TMEM232: variants seen among roughly 807,000 people sequenced by gnomAD.
TMEM232 encodes transmembrane protein 232.
In TMEM232, 80 loss-of-function variants were observed where a neutral mutation model predicts 78.8. That is an observed-to-expected ratio of 1.01 (90% CI 0.85 to 1.22). The LOEUF is 1.22. Ranked by LOEUF, TMEM232 falls within the 50% of genes most tolerant of loss-of-function variation. The pLI, the probability that TMEM232 is intolerant of heterozygous loss-of-function variation, is 0.00. For missense variants in TMEM232, 881 were observed against 742.2 expected, an observed-to-expected ratio of 1.19 and a Z score of -2.17; for synonymous variants, 297 against 254.3, an observed-to-expected ratio of 1.17 and a Z score of -1.60.
chr5:110,562,321 G>GGCAAGTCAACCTACAAT (rs1467968610), intron 11 of TMEM232, among the ~76,000 whole-genome samples: 2 of 151,942 alleles, frequency 1.3e-5, no homozygotes, highest in African/African-American at 4.8e-5. Flanking sequence ...TTCCCAACTT[G>GGCAAGTCAACCTACAAT]GCAAGTCAAC....
intron 12 of TMEM232, among the ~76,000 whole-genome samples, chr5:110,448,854 A>G (rs1759959640): frequency 6.6e-6 from 1 of 151,972 alleles, no homozygotes; most frequent in South Asian, 2.1e-4. Context: ...ACTGGGGTAC[A>G]TCAAAATAAG....
At chr5:110,411,100 A>G (rs113387378) in intron 2 of TMEM232, among the ~76,000 whole-genome samples, 42 of 152,232 alleles carry the variant, frequency 2.8e-4, no homozygotes, top group African/African-American at 6.5e-4. Flanking sequence ...TCCCTGCACC[A>G]TGACGAATAA....
intron 12 of TMEM232, among the ~76,000 whole-genome samples, chr5:110,474,156 C>T (rs1762985807): frequency 6.6e-6 from 1 of 151,736 alleles, no homozygotes; most frequent in Non-Finnish European, 1.5e-5. Context: ...ATGTTCTCAT[C>T]ACAAATAAAT....
At chr5:110,605,420 A>T (rs1299216573) in intron 9 of TMEM232, 62 bp from the exon 10 acceptor site, 2 of 1,454,344 alleles carry the variant, frequency 1.4e-6, no homozygotes, top group East Asian at 2.5e-5. Context: ...ATAACTACAC[A>T]GTGTACTTAT....
intron 11 of TMEM232, among the ~76,000 whole-genome samples, chr5:110,551,004 G>T (rs753238667): frequency 9.3e-5 from 14 of 151,050 alleles, no homozygotes; most frequent in Non-Finnish European, 1.0e-4. Context: ...TTTATAAATG[G>T]TTACAGTTTA....
intron 12 of TMEM232, among the ~76,000 whole-genome samples, chr5:110,462,961 G>T (rs1318529594): frequency 2.0e-5 from 3 of 152,084 alleles, no homozygotes; most frequent in Non-Finnish European, 2.9e-5. Context: ...TTCTACTCCT[G>T]GTAAAGATGC....
At chr5:110,564,074 T>C (rs1418683459) in intron 11 of TMEM232, among the ~76,000 whole-genome samples, 1 of 152,030 alleles carries the variant, frequency 6.6e-6, no homozygotes, top group African/African-American at 2.4e-5. Context: ...TATGCTTTGA[T>C]AATAAACTGG....
intron 11 of TMEM232, among the ~76,000 whole-genome samples, chr5:110,547,419 C>G (rs1251646808): frequency 6.6e-6 from 1 of 152,134 alleles, no homozygotes; most frequent in African/African-American, 2.4e-5. Flanking sequence ...CACACAGGTA[C>G]TAATCACTTT....
intron 12 of TMEM232, among the ~76,000 whole-genome samples, chr5:110,514,842 T>C (rs1390822203): frequency 6.6e-6 from 1 of 152,196 alleles, no homozygotes; most frequent in Non-Finnish European, 1.5e-5. Context: ...TACTAGAAAG[T>C]GACTCTTCTT....
intron 12 of TMEM232, among the ~76,000 whole-genome samples, chr5:110,450,671 G>T (rs1010540578): frequency 3.9e-5 from 6 of 152,136 alleles, no homozygotes; most frequent in Non-Finnish European, 5.9e-5. Context: ...GATGTAAACA[G>T]CCACATACAA....
intron 2 of TMEM232, among the ~76,000 whole-genome samples, chr5:110,664,285 C>G (rs1790254963): frequency 6.6e-6 from 1 of 151,884 alleles, no homozygotes; most frequent in Non-Finnish European, 1.5e-5. Flanking sequence ...ATTTTTCAGC[C>G]ATTAAAATGA....
chr5:110,403,402 A>G (rs1477615700), intron 2 of TMEM232, among the ~76,000 whole-genome samples: 1 of 152,086 alleles, frequency 6.6e-6, no homozygotes, highest in Admixed American at 6.6e-5. Context: ...TTTCCCCTTT[A>G]GAGTTTGCTG....
intron 11 of TMEM232, among the ~76,000 whole-genome samples, chr5:110,555,901 T>C (rs1775019296): frequency 6.6e-6 from 1 of 152,176 alleles, no homozygotes; most frequent in African/African-American, 2.4e-5. Flanking sequence ...GCACGTGAGA[T>C]CGGTCTGTTG....
rs114876380 is a variant in TMEM232, at chr5:110,520,335, T to A, written c.1703+8253A>T. The stretch of plus-strand genomic sequence containing the variant: ...AATTAAAAATTTAAAAAGAGGGAAT[T>A]CTACCATAGCTTCAAAGAGTAGATC... On this transcript the variant is annotated intron_variant, in intron 12 of 13. Coordinates refer to ENST00000455884, the MANE Select transcript of TMEM232 (RefSeq NM_001039763.4). 9.1e-3 allele frequency among the ~76,000 whole-genome samples: 1,382 copies of A among 152,034 alleles called. 21 individuals carry two copies. Among genetic ancestry groups the A allele is most frequent in the African/African-American group, 0.032 (1,310 of 41,492 alleles).
Position 110,641,314 on chromosome 5 carries a change from A to G in TMEM232, c.238-318T>C, listed in dbSNP as rs944045019. On this transcript the variant is annotated intron_variant, in intron 3 of 13. Transcript: ENST00000455884. The stretch of plus-strand genomic sequence containing the variant: ...CAAGGGAATGCATTTTTTTTATTGT[A>G]TAAGGAAAAACATTGAAGAAATGTG... 6.6e-5 allele frequency among the ~76,000 whole-genome samples: 10 copies of G among 152,124 alleles called. 4 individuals are homozygous for G. Among genetic ancestry groups the G allele is most frequent in the Admixed American group, 6.5e-4 (10 of 15,272 alleles).
chr5:110,709,891 C>T (rs1445508533), intron 1 of TMEM232, among the ~76,000 whole-genome samples: 1 of 151,738 alleles, frequency 6.6e-6, no homozygotes, highest in Admixed American at 6.6e-5. Context: ...ATGCTGACTC[C>T]AGGTGAGACC....
chr5:110,414,460 A>T (rs566554105), intron 2 of TMEM232, among the ~76,000 whole-genome samples: 1 of 152,316 alleles, frequency 6.6e-6, no homozygotes, highest in South Asian at 2.1e-4. Flanking sequence ...TATATGGTGA[A>T]ATATCAGTTC....
At chr5:110,450,442 C>G (rs1760143152) in intron 12 of TMEM232, among the ~76,000 whole-genome samples, 1 of 151,852 alleles carries the variant, frequency 6.6e-6, no homozygotes, top group South Asian at 2.1e-4. Flanking sequence ...ATATAACCTC[C>G]TAAATTATCT....
In TMEM232 at chr5:110,420,422, A is replaced by T; in HGVS notation, c.*158T>A. 1 of 517,706 alleles carries T rather than the reference A, an allele frequency of 1.9e-6. No individual in the cohort carries two copies. Among genetic ancestry groups the T allele is most frequent in the Non-Finnish European group, 3.2e-6 (1 of 310,952 alleles). The allele number at this position is 517,706 out of a possible 1,614,324, so 32.1% of individuals were successfully genotyped here. ...ATTTAGAACTAAGAAATAACTATTA[A>T]ACAAACAGCTTGTATCAGGAAAACA... On this transcript the variant is annotated 3_prime_UTR_variant, in exon 14 of 14. Coordinates refer to ENST00000455884, the MANE Select transcript of TMEM232 (RefSeq NM_001039763.4).
Sources: allele counts gnomAD v4.1 joint callset (sites outside exome capture counted in the v4.1 genomes callset), GRCh38; gene constraint gnomAD v4.1.1; transcripts MANE v1.5; gene names NCBI Gene and HGNC (gene_info 2026-07-23, HGNC 2026-07-21).